The following ZNF420 variants were observed in gnomAD, a reference collection of about 807,000 sequenced individuals.
ZNF420 encodes ATM and p53-associated KZNF protein.
Under a neutral mutation model 44.7 loss-of-function variants are expected in ZNF420, and 31 were observed. The observed-to-expected ratio is 0.69, with a 90% CI of 0.52 to 0.94. ZNF420 has a LOEUF of 0.94. ZNF420 is among the 40% of genes least tolerant of loss of function. The pLI, the probability that ZNF420 is intolerant of heterozygous loss-of-function variation, is 0.00. For synonymous variants in ZNF420, 245 were observed against 267.4 expected (o/e 0.92, Z 0.82); for missense variants, 681 against 827.9 (o/e 0.82, Z 2.18).
chr19:37,086,062 C>G (rs1968754551), intron 2 of ZNF420, among the ~76,000 whole-genome samples: 1 of 151,792 alleles, frequency 6.6e-6, no homozygotes, highest in Non-Finnish European at 1.5e-5. Flanking sequence ...TCGGCCTCCC[C>G]AAGTGCTGGG....
intron 1 of ZNF420, among the ~76,000 whole-genome samples, chr19:37,038,056 G>A (rs555461849): frequency 3.9e-5 from 6 of 152,178 alleles, no homozygotes; most frequent in African/African-American, 1.2e-4. Flanking sequence ...TTTGAACCCC[G>A]GAGGCAGAGG....
chr19:37,105,940 A>C (rs901046102), intron 4 of ZNF420, among the ~76,000 whole-genome samples: 6 of 152,206 alleles, frequency 3.9e-5, no homozygotes, highest in Admixed American at 3.9e-4. Flanking sequence ...GGCAGAGACT[A>C]TGGGGTTTTC....
chr19:37,122,469 G>C (rs568702843), intron 4 of ZNF420, among the ~76,000 whole-genome samples: 4 of 151,684 alleles, frequency 2.6e-5, no homozygotes, highest in African/African-American at 4.8e-5. Flanking sequence ...GTTGTGGGGT[G>C]GGGGGAGGCG....
chr19:37,049,210 C>A (rs1384006810), intron 1 of ZNF420, among the ~76,000 whole-genome samples: 24 of 152,114 alleles, frequency 1.6e-4, no homozygotes, highest in African/African-American at 4.8e-4. Flanking sequence ...AGCATGATTT[C>A]TAATGCTTTG....
chr19:37,087,747 A>G (rs998408252), intron 2 of ZNF420, among the ~76,000 whole-genome samples: 1 of 152,000 alleles, frequency 6.6e-6, no homozygotes, highest in Non-Finnish European at 1.5e-5. Context: ...CCGGGTTCAC[A>G]CCATTCTCCT....
intron 4 of ZNF420, among the ~76,000 whole-genome samples, chr19:37,111,130 C>G (rs531134513): frequency 3.9e-5 from 6 of 152,218 alleles, no homozygotes; most frequent in Non-Finnish European, 7.3e-5. Flanking sequence ...GACCACTCCA[C>G]AAGATCAGTA....
rs139817210 is a variant in ZNF420, at chr19:37,038,918, G to A, written c.-125+30836G>A. On this transcript the variant is annotated intron_variant, in intron 1 of 4. Transcript: ENST00000587029. ...GGAGAATCGCTTGAACCCAGGAGGCGGAGGTTGCAGTGAGTCGAGAACGCA... is the reference window on the plus strand; with the variant it reads ...GGAGAATCGCTTGAACCCAGGAGGCAGAGGTTGCAGTGAGTCGAGAACGCA... 1.3e-4 allele frequency among the ~76,000 whole-genome samples: 20 copies of A among 152,032 alleles called. No homozygotes were observed. The East Asian group carries it at 3.1e-3, about 24-fold the overall frequency.
chr19:37,041,933 C>A (rs1392797631), intron 1 of ZNF420, among the ~76,000 whole-genome samples: 2 of 152,160 alleles, frequency 1.3e-5, no homozygotes. Flanking sequence ...AACCTGATCA[C>A]TTTTCCAGGT....
chr19:37,023,819 A>G (rs998124805), intron 1 of ZNF420, among the ~76,000 whole-genome samples: 2 of 152,184 alleles, frequency 1.3e-5, no homozygotes, highest in Non-Finnish European at 2.9e-5. Flanking sequence ...GAGCTTAACC[A>G]TATCTAAAAG....
At chr19:37,056,014 G>A (rs1860904632) in intron 1 of ZNF420, among the ~76,000 whole-genome samples, 1 of 152,148 alleles carries the variant, frequency 6.6e-6, no homozygotes, top group African/African-American at 2.4e-5. Context: ...CTGGGGTGGT[G>A]TGTTTCCGTT....
chr19:37,012,143 GC>G (rs1324451551), intron 1 of ZNF420, among the ~76,000 whole-genome samples: 1 of 152,134 alleles, frequency 6.6e-6, no homozygotes, highest in Non-Finnish European at 1.5e-5. Context: ...GTAGAAGTCG[GC>G]ACAAGGAGGT....
chr19:37,127,068 T>G, intron 4 of ZNF420, 60 bp from the exon 5 acceptor site: 2 of 1,353,256 alleles, frequency 1.5e-6, no homozygotes, highest in Non-Finnish European at 1.9e-6. Flanking sequence ...ATTTTCCTAT[T>G]ATTTGTCTTT....
chr19:37,016,920 C>T (rs1457756034), intron 1 of ZNF420, among the ~76,000 whole-genome samples: 1 of 152,170 alleles, frequency 6.6e-6, no homozygotes, highest in African/African-American at 2.4e-5. Flanking sequence ...AAACAACCCT[C>T]TTAGGTCTTG....
intron 4 of ZNF420, among the ~76,000 whole-genome samples, chr19:37,104,839 T>C (rs1969986943): frequency 6.6e-6 from 1 of 152,240 alleles, no homozygotes; most frequent in African/African-American, 2.4e-5. Flanking sequence ...CTTTGCCGAC[T>C]TTTTGATGGG....
At chr19:37,046,226 G>A (rs1967540026) in intron 1 of ZNF420, among the ~76,000 whole-genome samples, 3 of 152,330 alleles carry the variant, frequency 2.0e-5, no homozygotes, top group South Asian at 4.1e-4. Flanking sequence ...TACAGGAGGT[G>A]AGAGTTTAAA....
chr19:37,023,894 T>TATATAC (rs1163290750), intron 1 of ZNF420, among the ~76,000 whole-genome samples: 2 of 152,122 alleles, frequency 1.3e-5, no homozygotes, highest in East Asian at 1.9e-4. Flanking sequence ...ACACTGTACA[T>TATATAC]ATATACATAT....
At chr19:37,123,748 G>A (rs1212751180) in intron 4 of ZNF420, among the ~76,000 whole-genome samples, 1 of 150,882 alleles carries the variant, frequency 6.6e-6, no homozygotes. Context: ...GACTACAGGC[G>A]TGTGCCACCA....
intron 1 of ZNF420, among the ~76,000 whole-genome samples, chr19:37,068,394 C>G (rs1217508767): frequency 6.6e-6 from 1 of 152,148 alleles, no homozygotes; most frequent in East Asian, 1.9e-4. Context: ...AATCCCAGCA[C>G]TTTGGGAGGC....
intron 1 of ZNF420, among the ~76,000 whole-genome samples, chr19:37,055,865 G>A (rs530439279): frequency 1.1e-4 from 16 of 152,280 alleles, no homozygotes; most frequent in Admixed American, 9.1e-4. Flanking sequence ...AGGCCTGCCC[G>A]GATGGTGTTT....
Sources: allele counts gnomAD v4.1 joint callset (sites outside exome capture counted in the v4.1 genomes callset), GRCh38; gene constraint gnomAD v4.1.1; transcripts MANE v1.5; gene names NCBI Gene and HGNC (gene_info 2026-07-23, HGNC 2026-07-21).